The following PRPF40B variants were observed in gnomAD, a reference collection of about 807,000 sequenced individuals.
PRPF40B encodes the protein pre-mRNA-processing factor 40 homolog B.
Under a neutral mutation model 124.5 loss-of-function variants are expected in PRPF40B, and 56 were observed. The ratio of observed to expected loss-of-function variants is 0.45; its 90% CI spans 0.36 to 0.56. PRPF40B has a LOEUF of 0.56. PRPF40B is among the 20% of genes least tolerant of loss of function. The pLI, the probability that PRPF40B is intolerant of heterozygous loss-of-function variation, is 0.00. For synonymous variants in PRPF40B, 443 were observed against 426.4 expected (o/e 1.04, Z -0.48); for missense variants, 1,053 against 1,169.5 (o/e 0.90, Z 1.45).
chr12:49,624,127 C>T, intron 1 of PRPF40B: 1 of 985,998 alleles, frequency 1.0e-6, no homozygotes. Flanking sequence ...AAAGGGGCTC[C>T]CAGCCCAGGC....
At chr12:49,636,595 C>T in intron 15 of PRPF40B, 121 bp from the exon 16 acceptor site, 2 of 1,408,858 alleles carry the variant, frequency 1.4e-6, no homozygotes, top group South Asian at 1.3e-5. Flanking sequence ...CAGGCCCTTC[C>T]CCCACCACCC....
At position 49,642,482 on chromosome 12, in the gene PRPF40B, C is replaced by T; in HGVS notation, c.2023-98C>T. On this transcript the variant is annotated intron_variant, in intron 20 of 25. Transcript: ENST00000548825. The surrounding 1 kb of genome is among the most constrained non-coding windows in gnomAD (Gnocchi z 5.8). ...ACAGCCCTGGGCCAGCTCCAGTTCCCTTCCTTTCTCTGCCCCAGCCCTGCC... is the reference window on the plus strand; with the variant it reads ...ACAGCCCTGGGCCAGCTCCAGTTCCTTTCCTTTCTCTGCCCCAGCCCTGCC... 3.2e-6 allele frequency: 5 copies of T among 1,575,514 alleles called. No individual in the cohort carries two copies. The highest frequency in any genetic ancestry group is 1.1e-5 in the South Asian group (1 of 89,502).
chr12:49,643,131 C>G, intron 22 of PRPF40B, 92 bp from the exon 23 acceptor site: 2 of 1,585,596 alleles, frequency 1.3e-6, no homozygotes, highest in Non-Finnish European at 1.7e-6. Flanking sequence ...ATTCCTTTGG[C>G]CCTGGGTCCT....
Position 49,635,094 on chromosome 12 carries a change from C to T in PRPF40B, c.1002-5C>T. ...TCCCCACCCCACTCCTACCCTCTATCCCAGTGCCTTGCCTAAACTGAGTGA... is the reference window on the plus strand; with the variant it reads ...TCCCCACCCCACTCCTACCCTCTATTCCAGTGCCTTGCCTAAACTGAGTGA... On this transcript the variant is annotated splice_polypyrimidine_tract_variant and splice_region_variant and intron_variant, in intron 12 of 25. Coordinates refer to ENST00000548825, the MANE Select transcript of PRPF40B (RefSeq NM_001031698.3). The surrounding 1 kb of genome is among the most constrained non-coding windows in gnomAD (Gnocchi z 4.1). 6.2e-7 allele frequency: 1 copy of T among 1,610,550 alleles called. No homozygotes were observed. The highest frequency in any genetic ancestry group is 2.2e-5 in the East Asian group (1 of 44,872).
chr12:49,626,845 G>C (rs1940763438), intron 1 of PRPF40B, among the ~76,000 whole-genome samples: 1 of 152,150 alleles, frequency 6.6e-6, no homozygotes, highest in Non-Finnish European at 1.5e-5. Flanking sequence ...CTAGAGGGCA[G>C]ATTGGATCCA....
At chr12:49,636,073 C>A in intron 15 of PRPF40B, 80 bp downstream of exon 15, 1 of 1,555,650 alleles carries the variant, frequency 6.4e-7, no homozygotes, top group Non-Finnish European at 8.8e-7. Flanking sequence ...CCTCACCCCA[C>A]TCCCCTGTAC....
Position 49,634,507 on chromosome 12 carries a change from G to A in PRPF40B, c.937-31G>A, listed in dbSNP as rs1025810938. 5 of 1,614,096 alleles carry A rather than the reference G, an allele frequency of 3.1e-6. No individual in the cohort carries two copies. The Admixed American group carries it at 5.0e-5, about 16-fold the overall frequency. ...GTTTGGAGGGGGCTGGAGCGGGGCA[G>A]GCCCCATGACTCCCACCTGCTTCAT... On this transcript the variant is annotated intron_variant, in intron 11 of 25. Transcript: ENST00000548825.
In PRPF40B at chr12:49,635,335, C is replaced by G; in HGVS notation, c.1167-30C>G. 1 of 1,609,790 alleles carries G rather than the reference C, an allele frequency of 6.2e-7. No individual in the cohort carries two copies. The highest frequency in any genetic ancestry group is 1.1e-5 in the South Asian group (1 of 90,404). Reference sequence around the variant, plus strand: ...AAGGTCCAGGGTCTCTGTTCTCTGTCTACCTACTCACAGCTTATATGCTCC... The same window carrying G: ...AAGGTCCAGGGTCTCTGTTCTCTGTGTACCTACTCACAGCTTATATGCTCC... On this transcript the variant is annotated intron_variant, in intron 13 of 25. Transcript: ENST00000548825. The surrounding 1 kb of genome is among the most constrained non-coding windows in gnomAD (Gnocchi z 4.1).
chr12:49,644,032 A>T (rs1269785193), intron 25 of PRPF40B, 28 bp downstream of exon 25: 1 of 1,614,168 alleles, frequency 6.2e-7, no homozygotes, highest in African/African-American at 1.3e-5. Flanking sequence ...TAGGCCAGTC[A>T]GCACGCTGGT....
Position 49,633,522 on chromosome 12 carries a change from G to A in PRPF40B, c.555G>A (p.Arg185=), listed in dbSNP as rs1941444345. 1.2e-6 allele frequency: 2 copies of A among 1,614,226 alleles called. No individual in the cohort carries two copies. Among genetic ancestry groups the A allele is most frequent in the Admixed American group, 3.3e-5 (2 of 60,024 alleles). Residue 185 remains arginine, a synonymous_variant, in exon 8 of 26, where the codon CGG becomes CGA. Coordinates refer to ENST00000548825, the MANE Select transcript of PRPF40B (RefSeq NM_001031698.3). The stretch of plus-strand genomic sequence containing the variant: ...AGAGTAAAGAGTCCCGCTGGACCCG[G>A]CCCAAGGATCTGGATGACCTAGAGG... ...NNQSKESRWT[R]PKDLDDLEVL...
rs1266501807 is a variant in PRPF40B at position 49,642,615 on chromosome 12, G to A, written c.2058G>A (p.Glu686=). 6.2e-7 allele frequency: 1 copy of A among 1,614,246 alleles called. No individual in the cohort carries two copies. The highest frequency in any genetic ancestry group is 8.5e-7 in the Non-Finnish European group (1 of 1,180,038). Reference sequence around the variant, plus strand: ...GTTTTGTGTGTGACTCAGCCTTTGAGCAGATCACCCTGGAGTCGGAGCGGA... The same window carrying A: ...GTTTTGTGTGTGACTCAGCCTTTGAACAGATCACCCTGGAGTCGGAGCGGA... ...RERFVCDSAF[E]QITLESERIR... is the part of the protein sequence containing the mutation. The change falls in exon 21 of 26, where the codon GAG becomes GAA. Residue 686 remains glutamate, a synonymous_variant. Transcript: ENST00000548825. The surrounding 1 kb of genome is among the most constrained non-coding windows in gnomAD (Gnocchi z 5.8).
chr12:49,623,498 G>A (rs1171185743), upstream of PRPF40B: 2 of 1,220,508 alleles, frequency 1.6e-6, no homozygotes, highest in South Asian at 3.7e-5. Flanking sequence ...GCGACCCCCC[G>A]CCGGCCCCGC....
chr12:49,632,996 G>GGGGGGGGGGGC lies in PRPF40B; in HGVS notation c.349-18_349-17insGGGGGGGGGGC. On this transcript the variant is annotated splice_polypyrimidine_tract_variant and intron_variant, in intron 6 of 25. Coordinates refer to ENST00000548825, the MANE Select transcript of PRPF40B (RefSeq NM_001031698.3). ...AAAGGGGCCTTGACCACCATTCTGTGCCCCCCCCCCCACCCAGAGGGCCCT... is the reference window on the plus strand; with the variant it reads ...AAAGGGGCCTTGACCACCATTCTGTGGGGGGGGGGGCCCCCCCCCCCCACCCAGAGGGCCCT... 3.5e-6 allele frequency: 4 copies of GGGGGGGGGGGC among 1,147,394 alleles called. No individual in the cohort carries two copies. The highest frequency in any genetic ancestry group is 4.9e-6 in the Non-Finnish European group (4 of 823,010). The allele number at this position is 1,147,394 out of a possible 1,614,324, so 71.1% of individuals were successfully genotyped here.
chr12:49,637,353 C>T, intron 16 of PRPF40B, 117 bp from the exon 17 acceptor site: 2 of 678,998 alleles, frequency 2.9e-6, no homozygotes, highest in South Asian at 1.8e-5. Context: ...CTCTTGCCTG[C>T]ATTTCCTCAA....
intron 18 of PRPF40B, chr12:49,640,981 G>T (rs1164347340): frequency 1.3e-5 from 2 of 152,232 alleles, no homozygotes; most frequent in Non-Finnish European, 2.9e-5. Context: ...GAAGAAAGAG[G>T]AGCACACCTC....
At chr12:49,632,173 A>G (rs1425521491) in intron 4 of PRPF40B, 4 of 602,104 alleles carry the variant, frequency 6.6e-6, no homozygotes, top group Non-Finnish European at 8.9e-6. Context: ...CTTAAGGAGC[A>G]CACTTATCCT....
At chr12:49,630,368 G>A (rs926039298) in intron 1 of PRPF40B, among the ~76,000 whole-genome samples, 177 bp from the exon 2 acceptor site, 3 of 152,102 alleles carry the variant, frequency 2.0e-5, no homozygotes, top group Admixed American at 6.5e-5. Flanking sequence ...GAGAGCAAAA[G>A]CACAAGAGAG....
At position 49,643,751 on chromosome 12, in the gene PRPF40B, C is replaced by A; in HGVS notation, c.2441C>A (p.Ser814Ter). ...AAAACTAAGAAGAGAAGACACAAGT[C>A]GGTGAGTGAAGGAACTTCTACCTAA... ...KKKTKKRRHK[S>*]NSPESETDPE... The change falls in exon 24 of 26, where the codon TCG becomes TAG. Residue 814 changes from serine to a stop codon, truncating the protein, a stop_gained and splice_region_variant. Coordinates refer to ENST00000548825, the MANE Select transcript of PRPF40B (RefSeq NM_001031698.3). LOFTEE classifies it high-confidence loss of function. The A allele has an allele frequency of 1.2e-6, 2 of 1,614,022 alleles. No individual in the cohort carries two copies. Among genetic ancestry groups the A allele is most frequent in the Non-Finnish European group, 1.7e-6 (2 of 1,179,996 alleles).
Position 49,633,898 on chromosome 12 carries a change from G to A in PRPF40B, c.618G>A (p.Gln206=). Residue 206 remains glutamine, a synonymous_variant, in exon 10 of 26, where the codon CAG becomes CAA. Coordinates refer to ENST00000548825, the MANE Select transcript of PRPF40B (RefSeq NM_001031698.3). ...GGCTCATCTGCAGGAAACAGCAGCAGCAGCTGCCACAGACACTTCAGCCAC... is the reference window on the plus strand; with the variant it reads ...GGCTCATCTGCAGGAAACAGCAGCAACAGCTGCCACAGACACTTCAGCCAC... The part of the protein sequence containing the change: ...VKQEAAGKQQ[Q]QLPQTLQPQP... 6.2e-7 allele frequency: 1 copy of A among 1,614,052 alleles called. No individual in the cohort carries two copies. Among genetic ancestry groups the A allele is most frequent in the Middle Eastern group, 1.6e-4 (1 of 6,062 alleles).
Sources: gnomAD v4.1 joint callset for allele counts (sites outside exome capture counted in the v4.1 genomes callset) on GRCh38, gnomAD v4.1.1 for gene constraint, Gnocchi (gnomAD v3.1) non-coding constraint, MANE v1.5 for transcripts, NCBI Gene and HGNC (gene_info 2026-07-23, HGNC 2026-07-21) for gene names.